The following MYOF variants were observed in gnomAD, a reference collection of about 807,000 sequenced individuals.
The protein encoded by MYOF is myoferlin.
A neutral mutation model predicts 284.2 loss-of-function variants in MYOF; 244 were observed. The ratio of observed to expected loss-of-function variants is 0.86; its 90% confidence interval spans 0.77 to 0.95. The LOEUF is 0.95. Among genes scored for constraint, MYOF ranks in the 40% least tolerant of loss-of-function variants. MYOF has a pLI of 0.00. For synonymous variants in MYOF, 904 were observed against 919.7 expected, an observed-to-expected ratio of 0.98 and a Z score of 0.31; for missense variants, 2,496 against 2,560.6, an observed-to-expected ratio of 0.97 and a Z score of 0.54.
At position 93,329,676 on chromosome 10, in the gene MYOF, T is replaced by C. The variant is rs1367469016; in HGVS notation, c.4970A>G (p.Glu1657Gly). Residue 1657 changes from glutamate (E) to glycine (G), a missense_variant, in exon 44 of 54, where the codon GAG becomes GGG. Glu to Gly is a moderately conservative substitution (Grantham distance 98, BLOSUM62 -2). This residue lies in a region of MYOF where 2,436 missense variants were observed against 2,480.7 expected (regional missense o/e 0.98). Coordinates refer to ENST00000359263, the MANE Select transcript of MYOF (RefSeq NM_013451.4). The part of the protein sequence containing the change: ...SRFGSHCGIP[E>G]EYCVSGVNTW... ...CAAAGCAACTTACACACAGTACTCCTCTGGTATGCCGCAGTGGGACCCAAA... is the reference window on the plus strand; with the variant it reads ...CAAAGCAACTTACACACAGTACTCCCCTGGTATGCCGCAGTGGGACCCAAA... The C allele has an allele frequency of 6.2e-7, 1 of 1,614,062 alleles. No homozygotes were observed. Among genetic ancestry groups the C allele is most frequent in the Non-Finnish European group, 8.5e-7 (1 of 1,180,038 alleles).
At chr10:93,330,846 G>A (rs1452932516) in intron 43 of MYOF, among the ~76,000 whole-genome samples, 1 of 152,176 alleles carries the variant, frequency 6.6e-6, no homozygotes, top group Admixed American at 6.5e-5. Flanking sequence ...ATCCATTTGA[G>A]CAGAAAACAG....
intron 40 of MYOF, chr10:93,337,539 T>C (rs948495376): frequency 1.3e-5 from 5 of 375,368 alleles, no homozygotes; most frequent in African/African-American, 2.1e-5. Flanking sequence ...CGTGGCCTAA[T>C]TAGTGTGGTG....
At chr10:93,408,761 G>C (rs1847754382) in intron 7 of MYOF, 26 bp downstream of exon 7, 1 of 1,613,770 alleles carries the variant, frequency 6.2e-7, no homozygotes, top group Non-Finnish European at 8.5e-7. Context: ...CTCATGAGCA[G>C]AAACATGCCC....
At chr10:93,394,448 C>CTCTTTTTTTTTTTTTTTTTTTTTT (rs1846871495) in intron 16 of MYOF, among the ~76,000 whole-genome samples, 1 of 28,682 alleles carries the variant, frequency 3.5e-5, no homozygotes, top group Non-Finnish European at 6.5e-5. Flanking sequence ...ACCATCTTGT[C>CTCTTTTTTTTTTTTTTTTTTTTTT]TTTTTTTTTT....
chr10:93,389,889 A>G (rs1043259799), intron 17 of MYOF, among the ~76,000 whole-genome samples: 1 of 152,214 alleles, frequency 6.6e-6, no homozygotes, highest in African/African-American at 2.4e-5. Context: ...ATGGCCCCCC[A>G]TGGGAGAGGG....
At position 93,306,850 on chromosome 10, in the gene MYOF, C is replaced by T. The variant is rs1024360381; in HGVS notation, c.*113G>A. 20 of 1,129,666 alleles carry T rather than the reference C, an allele frequency of 1.8e-5. No homozygotes were observed. The highest frequency in any genetic ancestry group is 6.2e-5 in the Admixed American group (3 of 48,748). 70.0% of individuals were successfully genotyped at this position (1,129,666 alleles called of 1,614,324 possible). On this transcript the variant is annotated 3_prime_UTR_variant, in exon 54 of 54. Transcript: ENST00000359263. ...GAATCAATGGGGCTCGGTGACATGG[C>T]GTAACCTGCTACTGGGGTGTGGTCT...
At chr10:93,407,737 C>CA (rs34172104) in intron 7 of MYOF, among the ~76,000 whole-genome samples, 23,668 of 95,046 alleles carry the variant, frequency 0.25, 2,794 homozygotes, top group East Asian at 0.62. Flanking sequence ...GACTCTGTCT[C>CA]AAAAAAAAAA....
chr10:93,307,076 G>C, intron 53 of MYOF, 75 bp from the exon 54 acceptor site: 1 of 1,383,628 alleles, frequency 7.2e-7, no homozygotes, highest in South Asian at 1.2e-5. Flanking sequence ...TCTCAATCTT[G>C]AGAAAAAATT....
At position 93,401,562 on chromosome 10, in the gene MYOF, T is replaced by C. The variant is rs768037886; in HGVS notation, c.991-18A>G. On this transcript the variant is annotated intron_variant, in intron 11 of 53. Transcript: ENST00000359263. ...CTCTCAGGCTATTAGGGGCACATGA[T>C]TTAAATTATACATACAGAAAAGCAG... 6.2e-7 allele frequency: 1 copy of C among 1,612,904 alleles called. No individual in the cohort carries two copies. Among genetic ancestry groups the C allele is most frequent in the East Asian group, 2.2e-5 (1 of 44,852 alleles).
chr10:93,388,013 C>T (rs1375224731), intron 18 of MYOF, 100 bp from the exon 19 acceptor site: 9 of 872,150 alleles, frequency 1.0e-5, no homozygotes, highest in Non-Finnish European at 1.3e-5. Context: ...GTTTCTCCTT[C>T]CCATGGCCCT....
At chr10:93,330,452 G>T (rs767817044) in intron 43 of MYOF, among the ~76,000 whole-genome samples, 3 of 152,148 alleles carry the variant, frequency 2.0e-5, no homozygotes, top group Non-Finnish European at 4.4e-5. Context: ...CCCCACAGAA[G>T]CACAGGGGAG....
rs759376572 is a variant in MYOF at position 93,389,082 on chromosome 10, G to C, written c.1529C>G (p.Pro510Arg). ...GTCTGGGAATCCCGTGTACTCTCTG[G>C]GGCTTCCATAAAGATTCAGGTAACA... is the stretch of plus-strand genomic sequence containing the variant. ...GPCYLNLYGS[P>R]REYTGFPDPY... Residue 510 changes from proline to arginine, a missense_variant, in exon 18 of 54, where the codon CCC (proline) becomes CGC (arginine). Physicochemically the swap from Pro to Arg is moderately radical, Grantham distance 103 (BLOSUM62 -2). Coordinates refer to ENST00000359263, the MANE Select transcript of MYOF (RefSeq NM_013451.4). 7 of 1,614,054 alleles carry C rather than the reference G, an allele frequency of 4.3e-6. No individual in the cohort carries two copies. The highest frequency in any genetic ancestry group is 1.1e-5 in the South Asian group (1 of 91,060).
At chr10:93,468,181 C>T (rs1191714596) in intron 1 of MYOF, among the ~76,000 whole-genome samples, 1 of 152,242 alleles carries the variant, frequency 6.6e-6, no homozygotes, top group Non-Finnish European at 1.5e-5. Flanking sequence ...TATAGGTCTT[C>T]TGGCTCTGGA....
Position 93,366,497 on chromosome 10 carries a change from T to C in MYOF, c.2648A>G (p.His883Arg), listed in dbSNP as rs774378269. 19 of 1,614,022 alleles carry C rather than the reference T, an allele frequency of 1.2e-5. No homozygotes were observed. The highest frequency in any genetic ancestry group is 8.9e-5 in the East Asian group (4 of 44,862). The stretch of plus-strand genomic sequence containing the variant: ...TTTTCCTGTGACATCAGAAAACTTA[T>C]GACGTCCTACTAATCCAGAAGTACC... The part of the protein sequence containing the change: ...KWGTSGLVGR[H>R]KFSDVTGKIK... Residue 883 changes from histidine to arginine, a missense_variant, in exon 26 of 54, where the codon CAT (histidine) becomes CGT (arginine). By Grantham distance (29) the His-to-Arg change is conservative (BLOSUM62 0). This residue lies in a region of MYOF where 2,436 missense variants were observed against 2,480.7 expected (regional missense o/e 0.98). Transcript: ENST00000359263.
rs753147266 is a variant in MYOF, at chr10:93,310,652, A to C, written c.5890-9T>G. 17 of 1,613,522 alleles carry C rather than the reference A, an allele frequency of 1.1e-5. No individual in the cohort carries two copies. The highest frequency in any genetic ancestry group is 1.3e-5 in the African/African-American group (1 of 74,914). ...GTCATCTCCACTTTCCCCTTCAGTA[A>C]AGCAGAGCAGGTTAAACATATGACA... On this transcript the variant is annotated splice_polypyrimidine_tract_variant and intron_variant, in intron 51 of 53. Transcript: ENST00000359263.
At chr10:93,409,426 T>C (rs1589523934) in intron 6 of MYOF, 147 bp downstream of exon 6, 1 of 1,006,166 alleles carries the variant, frequency 9.9e-7, no homozygotes, top group East Asian at 2.5e-5. Context: ...ATGGAGAGCT[T>C]TTCTTACTGG....
intron 3 of MYOF, among the ~76,000 whole-genome samples, chr10:93,446,303 G>T (rs1328449915): frequency 6.6e-6 from 1 of 152,214 alleles, no homozygotes; most frequent in Non-Finnish European, 1.5e-5. Context: ...CCTGGCCATA[G>T]GGTCTGAAGT....
rs143458076 is a variant in MYOF, at chr10:93,309,040, A to C, written c.6147+980T>G. Among the ~76,000 whole-genome samples the C allele has an allele frequency of 7.6e-3, 1,155 of 152,228 alleles. 57 individuals carry two copies. The highest frequency in any genetic ancestry group is 0.066 in the Admixed American group (1,004 of 15,288). On this transcript the variant is annotated intron_variant, in intron 53 of 53. Coordinates refer to ENST00000359263, the MANE Select transcript of MYOF (RefSeq NM_013451.4). ...ATTATTATTAATGTGTTTTTGGAGT[A>C]AGAGCTTTTGAATGTCTCCTGTGAC...
Position 93,356,866 on chromosome 10 carries a change from A to T in MYOF, c.3121-18T>A. ...TCCATGGCCTAAAACAGAAGTAAACATGTTAATGATGACGATGATGATGAT... is the reference window on the plus strand; with the variant it reads ...TCCATGGCCTAAAACAGAAGTAAACTTGTTAATGATGACGATGATGATGAT... On this transcript the variant is annotated intron_variant, in intron 29 of 53. Coordinates refer to ENST00000359263, the MANE Select transcript of MYOF (RefSeq NM_013451.4). The T allele has an allele frequency of 6.3e-7, 1 of 1,597,610 alleles. No individual in the cohort carries two copies. Among genetic ancestry groups the T allele is most frequent in the Non-Finnish European group, 8.5e-7 (1 of 1,174,654 alleles).
Sources: allele counts gnomAD v4.1 joint callset (sites outside exome capture counted in the v4.1 genomes callset), GRCh38; gene constraint gnomAD v4.1.1; regional missense constraint gnomAD v4.1.1; transcripts MANE v1.5; gene names NCBI Gene and HGNC (gene_info 2026-07-23, HGNC 2026-07-21).